Variants in TOGARAM1 observed in about 807,000 individuals in gnomAD.
The protein encoded by TOGARAM1 is TOG array regulator of axonemal microtubules 1.
A neutral mutation model predicts 166.6 loss-of-function variants in TOGARAM1; 100 were observed. The observed-to-expected ratio is 0.60, with a 90% confidence interval of 0.51 to 0.71. The LOEUF (loss-of-function observed/expected upper bound fraction) is 0.71. TOGARAM1 is among the 30% of genes least tolerant of loss of function. The probability of loss-of-function intolerance (pLI) is 0.00; values close to 1 mark genes in which losing one functional copy is unlikely to be tolerated. For synonymous variants in TOGARAM1, 758 were observed against 763.8 expected (o/e 0.99, Z 0.13); for missense variants, 2,029 against 2,102.7 (o/e 0.96, Z 0.69).
intron 12 of TOGARAM1, among the ~76,000 whole-genome samples, 189 bp from the exon 13 acceptor site, chr14:45,044,446 C>T (rs1881879535): frequency 6.6e-6 from 1 of 151,506 alleles, no homozygotes; most frequent in Non-Finnish European, 1.5e-5. Context: ...GTGGCTGAGG[C>T]AAGAGAATTG....
Position 44,962,732 on chromosome 14 carries a change from G to T in TOGARAM1, c.311G>T (p.Arg104Leu). The T allele has an allele frequency of 6.2e-7, 1 of 1,613,798 alleles. No homozygotes were observed. The highest frequency in any genetic ancestry group is 8.5e-7 in the Non-Finnish European group (1 of 1,180,038). The change falls in exon 1 of 20, where the codon CGC becomes CTC. Residue 104 changes from arginine (R) to leucine (L), a missense_variant. Physicochemically the swap from Arg to Leu is moderately radical, Grantham distance 102 (BLOSUM62 -2). Transcript: ENST00000361462. ...GACACTCGGCTCCTTCAACTCCTCC[G>T]CACTGCCCGGGATCCTTCTGAGGCC... The part of the protein sequence containing the change: ...EEDTRLLQLL[R>L]TARDPSEAFQ...
chr14:44,991,016 G>A (rs957712856), intron 1 of TOGARAM1, among the ~76,000 whole-genome samples: 16 of 133,602 alleles, frequency 1.2e-4, no homozygotes, highest in African/African-American at 3.6e-4. Context: ...CTAGAGTGCT[G>A]TGGCACAGTT....
At chr14:45,057,738 T>G (rs1882708532) in intron 16 of TOGARAM1, among the ~76,000 whole-genome samples, 1 of 152,218 alleles carries the variant, frequency 6.6e-6, no homozygotes, top group African/African-American at 2.4e-5. Flanking sequence ...TTCCATGTAT[T>G]TGTATAGTTC....
intron 7 of TOGARAM1, among the ~76,000 whole-genome samples, chr14:45,024,713 A>G (rs947180605): frequency 1.3e-5 from 2 of 152,170 alleles, no homozygotes; most frequent in African/African-American, 4.8e-5. Context: ...GTGTGTACTA[A>G]TTTTGATTGC....
chr14:44,985,660 T>A (rs557619870), intron 1 of TOGARAM1, among the ~76,000 whole-genome samples: 21 of 152,338 alleles, frequency 1.4e-4, no homozygotes, highest in Admixed American at 1.3e-3. Flanking sequence ...GTAAATACAT[T>A]TGAAGCTTTG....
rs375962126 is a variant in TOGARAM1 at position 45,045,543 on chromosome 14, GTA to G, written c.4154+713_4154+714del. On this transcript the variant is annotated intron_variant, in intron 13 of 19. Coordinates refer to ENST00000361462, the MANE Select transcript of TOGARAM1 (RefSeq NM_001308120.2). ...GAGTAGTATTCCATGGTCTGTGTGT[GTA>G]TATATATATATATATATATATATAT... 2.4e-3 allele frequency among the ~76,000 whole-genome samples: 95 copies of G among 38,902 alleles called. 1 individual carries two copies. Among genetic ancestry groups the G allele is most frequent in the Admixed American group, 4.0e-3 (10 of 2,486 alleles). The allele number at this position is 38,902 out of a possible 152,430, so 25.5% of individuals were successfully genotyped here. A position where few individuals can be genotyped will look rare whatever the true frequency, so the allele number is the denominator to read the frequency against.
chr14:45,049,675 T>C (rs1171482784), intron 14 of TOGARAM1, among the ~76,000 whole-genome samples: 1 of 152,214 alleles, frequency 6.6e-6, no homozygotes, highest in Non-Finnish European at 1.5e-5. Context: ...TGATATCTTA[T>C]TATATTCACA....
At chr14:45,028,023 A>G (rs745485854) in intron 9 of TOGARAM1, among the ~76,000 whole-genome samples, 153 bp from the exon 10 acceptor site, 3 of 152,104 alleles carry the variant, frequency 2.0e-5, no homozygotes, top group Non-Finnish European at 4.4e-5. Flanking sequence ...TGTACTATAT[A>G]TACATATATA....
chr14:44,999,841 CA>C (rs1031479380), intron 3 of TOGARAM1, among the ~76,000 whole-genome samples: 8 of 152,072 alleles, frequency 5.3e-5, no homozygotes, highest in African/African-American at 1.9e-4. Context: ...GGATATGCAT[CA>C]CCTGAAACAT....
chr14:44,995,901 T>C lies in TOGARAM1; in HGVS notation c.2202T>C (p.Ala734=). The C allele has an allele frequency of 1.2e-6, 2 of 1,600,076 alleles. No homozygotes were observed. Among genetic ancestry groups the C allele is most frequent in the Non-Finnish European group, 1.7e-6 (2 of 1,175,350 alleles). ...CAGATTGTCTTCCTTTATGTGCTGC[T>C]GGTAAGTACAAGTTGCTGATGATGG... is the stretch of plus-strand genomic sequence containing the variant. ...FNPDCLPLCA[A]GTTGTHQTNL... The change falls in exon 2 of 20, where the codon GCT becomes GCC. Residue 734 remains alanine, a splice_region_variant and synonymous_variant. Transcript: ENST00000361462.
chr14:45,068,457 T>G lies in TOGARAM1; in HGVS notation c.4783T>G (p.Ser1595Ala). Residue 1595 changes from serine to alanine, a missense_variant, in exon 18 of 20, where the codon TCT becomes GCT. Physicochemically the swap from Ser to Ala is moderately conservative, Grantham distance 99. Coordinates refer to ENST00000361462, the MANE Select transcript of TOGARAM1 (RefSeq NM_001308120.2). ...FDAFKSRLHD[S>A]NSKVNLVALE... ...TGCTTTTAAATCTCGACTTCATGAT[T>G]CTAATAGTAAAGTAAATCTGGTGGC... The G allele has an allele frequency of 1.2e-6, 2 of 1,612,346 alleles. No homozygotes were observed. Among genetic ancestry groups the G allele is most frequent in the South Asian group, 2.2e-5 (2 of 90,454 alleles).
intron 14 of TOGARAM1, among the ~76,000 whole-genome samples, chr14:45,050,420 G>C (rs755316381): frequency 6.7e-6 from 1 of 149,906 alleles, no homozygotes; most frequent in African/African-American, 2.5e-5. Flanking sequence ...GCCTGGCTAA[G>C]TTTTGTATTT....
Position 45,068,416 on chromosome 14 carries a change from A to G in TOGARAM1, c.4750-8A>G. 1 of 1,581,600 alleles carries G rather than the reference A, an allele frequency of 6.3e-7. No individual in the cohort carries two copies. The highest frequency in any genetic ancestry group is 8.6e-7 in the Non-Finnish European group (1 of 1,158,668). On this transcript the variant is annotated splice_region_variant and splice_polypyrimidine_tract_variant and intron_variant, in intron 17 of 19. Coordinates refer to ENST00000361462, the MANE Select transcript of TOGARAM1 (RefSeq NM_001308120.2). ...TTTACTTTAAATAATTTACCAATTT[A>G]TTTTCAGATTTTTGATGCTTTTAAA...
chr14:44,968,656 C>T (rs183690344), intron 1 of TOGARAM1, among the ~76,000 whole-genome samples: 75 of 152,294 alleles, frequency 4.9e-4, no homozygotes, highest in Admixed American at 1.8e-3. Context: ...CCCACCTCAT[C>T]CGGTACTTTA....
intron 12 of TOGARAM1, among the ~76,000 whole-genome samples, chr14:45,044,150 C>T (rs946758943): frequency 6.6e-6 from 1 of 151,978 alleles, no homozygotes. Flanking sequence ...GCTGGGATTA[C>T]AGGCACACAC....
At chr14:44,993,715 A>G (rs911732001) in intron 1 of TOGARAM1, among the ~76,000 whole-genome samples, 10 of 152,306 alleles carry the variant, frequency 6.6e-5, no homozygotes, top group Middle Eastern at 3.4e-3. Flanking sequence ...CAGATGCACA[A>G]TCTTCTATAG....
intron 8 of TOGARAM1, among the ~76,000 whole-genome samples, chr14:45,026,269 TTA>T (rs1356413443): frequency 6.6e-6 from 1 of 152,124 alleles, no homozygotes; most frequent in African/African-American, 2.4e-5. Flanking sequence ...TAAACTCCTG[TTA>T]TATATTTTAA....
chr14:45,017,477 A>G (rs1031492660), intron 7 of TOGARAM1, among the ~76,000 whole-genome samples: 1 of 152,158 alleles, frequency 6.6e-6, no homozygotes, highest in Non-Finnish European at 1.5e-5. Flanking sequence ...ATGGAAGATC[A>G]TGTGGATTAA....
intron 16 of TOGARAM1, among the ~76,000 whole-genome samples, chr14:45,064,610 A>G (rs1355923345): frequency 1.3e-5 from 2 of 151,992 alleles, no homozygotes; most frequent in Non-Finnish European, 2.9e-5. Context: ...ACCTGGGACT[A>G]CAAGCCCATG....
Sources: gnomAD v4.1 joint callset for allele counts (sites outside exome capture counted in the v4.1 genomes callset) on GRCh38, gnomAD v4.1.1 for gene constraint, MANE v1.5 for transcripts, NCBI Gene and HGNC (gene_info 2026-07-23, HGNC 2026-07-21) for gene names.